Variants in ADK observed in about 807,000 individuals in gnomAD.
The protein encoded by ADK is adenosine kinase, also known as N6,N6-dimethyladenosine kinase.
Under a neutral mutation model 44.7 loss-of-function variants are expected in ADK, and 24 were observed. That is an observed-to-expected ratio of 0.54 (90% CI 0.39 to 0.76). The LOEUF is 0.76. Ranked by LOEUF, ADK falls within the 30% of genes least tolerant of loss-of-function variation. The pLI, the probability that ADK is intolerant of heterozygous loss-of-function variation, is 0.00. For missense variants in ADK, 321 were observed against 425.1 expected (o/e 0.76, Z 2.15); for synonymous variants, 128 against 142.6 (o/e 0.90, Z 0.73).
intron 4 of ADK, among the ~76,000 whole-genome samples, chr10:74,337,136 A>T (rs1391924510): frequency 6.6e-6 from 1 of 152,224 alleles, no homozygotes; most frequent in Non-Finnish European, 1.5e-5. Flanking sequence ...AGGATTTTAG[A>T]ACAAAGTCTA....
chr10:74,647,692 A>G (rs145202706), intron 9 of ADK, among the ~76,000 whole-genome samples: 2 of 152,318 alleles, frequency 1.3e-5, no homozygotes, highest in African/African-American at 4.8e-5. Context: ...GCTATTTATC[A>G]AAACTGCTAT....
chr10:74,696,969 T>A lies in ADK; in HGVS notation c.965-11352T>A, dbSNP rs138386042. On this transcript the variant is annotated intron_variant, in intron 10 of 10. Coordinates refer to ENST00000539909, the MANE Select transcript of ADK (RefSeq NM_006721.4). Reference sequence around the variant, plus strand: ...TATGTGGCTTAAAATCTATTTTCAATGCATAAACATTTGTATATTTTTCCA... The same window carrying A: ...TATGTGGCTTAAAATCTATTTTCAAAGCATAAACATTTGTATATTTTTCCA... 4.1e-4 allele frequency among the ~76,000 whole-genome samples: 62 copies of A among 152,334 alleles called. 1 individual carries two copies. The East Asian group carries it at 9.6e-3, about 24-fold the overall frequency.
intron 1 of ADK, among the ~76,000 whole-genome samples, chr10:74,157,184 T>C (rs532601453): frequency 7.9e-5 from 12 of 152,238 alleles, no homozygotes; most frequent in African/African-American, 2.9e-4. Context: ...AGCACCAAGC[T>C]TGGAGGTCGT....
At chr10:74,658,046 T>A (rs1176127418) in intron 9 of ADK, among the ~76,000 whole-genome samples, 3 of 152,208 alleles carry the variant, frequency 2.0e-5, no homozygotes, top group African/African-American at 7.2e-5. Flanking sequence ...CTAAAGTTAC[T>A]CTTTTGGTCA....
intron 3 of ADK, among the ~76,000 whole-genome samples, chr10:74,240,283 G>A (rs975179723): frequency 6.6e-6 from 1 of 151,966 alleles, no homozygotes; most frequent in Non-Finnish European, 1.5e-5. Flanking sequence ...CAGTAATAAT[G>A]CTGTCATTTC....
intron 6 of ADK, among the ~76,000 whole-genome samples, chr10:74,475,652 G>T (rs948127800): frequency 6.6e-6 from 1 of 152,092 alleles, no homozygotes; most frequent in Non-Finnish European, 1.5e-5. Flanking sequence ...GCCTGTGTGA[G>T]CCATGATCAT....
intron 3 of ADK, among the ~76,000 whole-genome samples, chr10:74,282,232 ATC>A (rs1299782433): frequency 1.3e-5 from 2 of 152,174 alleles, no homozygotes; most frequent in African/African-American, 4.8e-5. Flanking sequence ...TTACCAAAAA[ATC>A]TCTTATTGAA....
At chr10:74,598,440 C>CTTTTTTTTTTTTTTTTTTTTTTTTTTT (rs367982701) in intron 8 of ADK, among the ~76,000 whole-genome samples, 1 of 114,072 alleles carries the variant, frequency 8.8e-6, no homozygotes, top group African/African-American at 4.0e-5. Flanking sequence ...GAATCTTATT[C>CTTTTTTTTTTTTTTTTTTTTTTTTTTT]CTTTTTTTTT....
At chr10:74,309,752 T>C (rs895942793) in intron 3 of ADK, among the ~76,000 whole-genome samples, 1 of 151,972 alleles carries the variant, frequency 6.6e-6, no homozygotes, top group Non-Finnish European at 1.5e-5. Context: ...TTTAGACAGG[T>C]GGGAGGACAG....
At chr10:74,508,478 A>G (rs965243140) in intron 6 of ADK, 12 of 152,234 alleles carry the variant, frequency 7.9e-5, no homozygotes, top group Admixed American at 4.6e-4. Flanking sequence ...GCCAAGAACT[A>G]TATTAAGCAT....
intron 10 of ADK, among the ~76,000 whole-genome samples, chr10:74,680,635 C>T (rs1455506815): frequency 5.3e-5 from 8 of 151,980 alleles, no homozygotes; most frequent in Non-Finnish European, 8.8e-5. Flanking sequence ...AACCTTAGTA[C>T]CTAGCAGAAA....
intron 4 of ADK, among the ~76,000 whole-genome samples, chr10:74,361,486 T>C (rs1842334740): frequency 2.6e-5 from 4 of 152,214 alleles, no homozygotes; most frequent in African/African-American, 9.7e-5. Context: ...TTAACTTTGA[T>C]TGGAAAAAAA....
At chr10:74,463,223 G>C (rs781149605) in intron 6 of ADK, among the ~76,000 whole-genome samples, 19 of 151,964 alleles carry the variant, frequency 1.3e-4, no homozygotes, top group Non-Finnish European at 2.1e-4. Context: ...GGGGAGGGGT[G>C]GTTTCAGGAT....
chr10:74,221,296 A>G (rs1416083900), intron 2 of ADK, among the ~76,000 whole-genome samples: 2 of 150,926 alleles, frequency 1.3e-5, no homozygotes, highest in Admixed American at 6.6e-5. Context: ...TAAAATACCT[A>G]GGAATCCACC....
chr10:74,586,563 A>AT (rs1460314640), intron 7 of ADK, among the ~76,000 whole-genome samples: 10 of 152,110 alleles, frequency 6.6e-5, no homozygotes, highest in African/African-American at 1.9e-4. Context: ...TTTAAAAATA[A>AT]TTTTTTTGGG....
In ADK at chr10:74,596,821, A is replaced by G. The variant is rs1316184443; in HGVS notation, c.763-3558A>G. Among the ~76,000 whole-genome samples the G allele has an allele frequency of 2.0e-5, 3 of 152,234 alleles. No individual in the cohort carries two copies. The South Asian group carries it at 6.2e-4, about 32-fold the overall frequency. On this transcript the variant is annotated intron_variant, in intron 8 of 10. Transcript: ENST00000539909. Reference sequence around the variant, plus strand: ...CTCCGCCTCCCAGTGTGCTGGGATTACAGGCATGAGCCACCACGCCTTACC... The same window carrying G: ...CTCCGCCTCCCAGTGTGCTGGGATTGCAGGCATGAGCCACCACGCCTTACC...
chr10:74,211,673 A>G lies in ADK; in HGVS notation c.140+10835A>G, dbSNP rs60410679. Among the ~76,000 whole-genome samples, 899 of 152,294 alleles carry G rather than the reference A, an allele frequency of 5.9e-3. 11 individuals carry two copies. The highest frequency in any genetic ancestry group is 0.02 in the African/African-American group (840 of 41,570). ...AAATGTTGTGTATCTGTGCTATCCA[A>G]CATGGTAACCACTAGTCACATTTGG... On this transcript the variant is annotated intron_variant, in intron 2 of 10. Transcript: ENST00000539909.
intron 6 of ADK, among the ~76,000 whole-genome samples, chr10:74,413,568 G>A (rs577647931): frequency 5.3e-5 from 8 of 152,162 alleles, no homozygotes; most frequent in Admixed American, 2.6e-4. Context: ...GGTTGTGCTC[G>A]GGATTAAGCT....
At chr10:74,505,892 G>T (rs898870371) in intron 6 of ADK, among the ~76,000 whole-genome samples, 1 of 152,096 alleles carries the variant, frequency 6.6e-6, no homozygotes, top group Non-Finnish European at 1.5e-5. Context: ...CTCCTGGTGT[G>T]GGTGACCCGG....
Sources: allele counts gnomAD v4.1 joint callset (sites outside exome capture counted in the v4.1 genomes callset), GRCh38; gene constraint gnomAD v4.1.1; transcripts MANE v1.5; gene names NCBI Gene and HGNC (gene_info 2026-07-23, HGNC 2026-07-21).